FAR1: variants seen among roughly 807,000 people sequenced by gnomAD.
The protein encoded by FAR1 is male sterility domain-containing protein 2.
Under a neutral mutation model 61.1 loss-of-function variants are expected in FAR1, and 22 were observed. The observed-to-expected ratio is 0.36, with a 90% CI of 0.26 to 0.51. The LOEUF is 0.51. Among genes scored for constraint, FAR1 ranks in the 20% least tolerant of loss-of-function variants. FAR1 has a pLI of 0.95. For missense variants in FAR1, 359 were observed against 626.9 expected (o/e 0.57, Z 4.56); for synonymous variants, 206 against 209.7 (o/e 0.98, Z 0.15).
chr11:13,694,655 T>C (rs1434363609), intron 1 of FAR1, 104 bp from the exon 2 acceptor site: 2 of 997,370 alleles, frequency 2.0e-6, no homozygotes, highest in Admixed American at 5.8e-5. Flanking sequence ...TATTTTGACT[T>C]TTGTCTGCTT....
intron 4 of FAR1, among the ~76,000 whole-genome samples, chr11:13,708,932 T>C (rs1459602998): frequency 1.3e-5 from 2 of 152,066 alleles, no homozygotes; most frequent in East Asian, 3.9e-4. Flanking sequence ...AATGAGGGAG[T>C]ATATACCATG....
At chr11:13,669,971 G>A (rs1342554495) in intron 1 of FAR1, 1 of 152,178 alleles carries the variant, frequency 6.6e-6, no homozygotes, top group African/African-American at 2.4e-5. Context: ...CTGTCATGTT[G>A]GGCATGTGTA....
intron 1 of FAR1, among the ~76,000 whole-genome samples, chr11:13,679,422 G>A (rs1848101749): frequency 6.6e-6 from 1 of 152,068 alleles, no homozygotes; most frequent in Admixed American, 6.5e-5. Flanking sequence ...GCAGCAGACT[G>A]TTTTTTCCCC....
intron 9 of FAR1, 147 bp downstream of exon 9, chr11:13,714,827 T>C (rs1040503433): frequency 4.5e-6 from 3 of 671,694 alleles, no homozygotes; most frequent in Non-Finnish European, 6.6e-6. Flanking sequence ...TTTAAGACTT[T>C]GTCAGAAAAG....
Position 13,724,007 on chromosome 11 carries a change from G to C in FAR1, c.1257+2148G>C, listed in dbSNP as rs967548453. ...CATCTGATTCTGCCATCTATTACTT[G>C]AGCTAGGTCTCACCCATGGCACCTA... On this transcript the variant is annotated intron_variant, in intron 10 of 11. Coordinates refer to ENST00000354817, the MANE Select transcript of FAR1 (RefSeq NM_032228.6). 3.9e-5 allele frequency among the ~76,000 whole-genome samples: 6 copies of C among 152,128 alleles called. No individual in the cohort carries two copies. The South Asian group carries it at 1.2e-3, about 32-fold the overall frequency.
chr11:13,697,422 A>G (rs542581089), intron 2 of FAR1, among the ~76,000 whole-genome samples: 1 of 152,250 alleles, frequency 6.6e-6, no homozygotes, highest in Non-Finnish European at 1.5e-5. Flanking sequence ...AGATTGCGCC[A>G]CTGCACTCCA....
In FAR1 at chr11:13,731,795, G is replaced by T. The variant is rs75182055; in HGVS notation, c.*3021G>T. On this transcript the variant is annotated 3_prime_UTR_variant, in exon 12 of 12. Transcript: ENST00000354817. Reference sequence around the variant, plus strand: ...TCCAGGGTGTCATTGGGTTCCAGCTGCTCTCCTCCACATTGAATGATATCT... The same window carrying T: ...TCCAGGGTGTCATTGGGTTCCAGCTTCTCTCCTCCACATTGAATGATATCT... 1 of 152,210 alleles carries T rather than the reference G, an allele frequency of 6.6e-6. No individual in the cohort carries two copies. Among genetic ancestry groups the T allele is most frequent in the East Asian group, 1.9e-4 (1 of 5,188 alleles). 9.4% of individuals were successfully genotyped at this position (152,210 alleles called of 1,614,324 possible).
chr11:13,705,496 C>T (rs927925727), intron 3 of FAR1, among the ~76,000 whole-genome samples: 1 of 152,176 alleles, frequency 6.6e-6, no homozygotes, highest in East Asian at 1.9e-4. Context: ...TCCTCAGGGA[C>T]ATGTAACAGA....
intron 3 of FAR1, among the ~76,000 whole-genome samples, chr11:13,700,761 A>G (rs1453371528): frequency 6.6e-6 from 1 of 152,128 alleles, no homozygotes; most frequent in Admixed American, 6.5e-5. Context: ...GGAGTAGAAG[A>G]AAACTTAGTC....
intron 1 of FAR1, among the ~76,000 whole-genome samples, chr11:13,681,152 C>A (rs1044877071): frequency 6.6e-6 from 1 of 152,056 alleles, no homozygotes. Context: ...ATGTGAAATT[C>A]TCGTTCAGTA....
At chr11:13,702,180 T>C (rs1232302946) in intron 3 of FAR1, among the ~76,000 whole-genome samples, 1 of 152,140 alleles carries the variant, frequency 6.6e-6, no homozygotes, top group Non-Finnish European at 1.5e-5. Context: ...AAGTATGTTA[T>C]TAGGACTATA....
chr11:13,692,838 G>A (rs12364570), intron 1 of FAR1, among the ~76,000 whole-genome samples: 2 of 152,062 alleles, frequency 1.3e-5, no homozygotes, highest in Non-Finnish European at 2.9e-5. Flanking sequence ...AGAGAATATA[G>A]GAATTTAAGT....
chr11:13,692,879 TAG>T (rs1848265949), intron 1 of FAR1, among the ~76,000 whole-genome samples: 1 of 152,226 alleles, frequency 6.6e-6, no homozygotes, highest in Admixed American at 6.5e-5. Flanking sequence ...GTTTCCTTTG[TAG>T]TTCTATTGCT....
At chr11:13,675,279 A>G (rs577968172) in intron 1 of FAR1, among the ~76,000 whole-genome samples, 1 of 152,318 alleles carries the variant, frequency 6.6e-6, no homozygotes, top group East Asian at 1.9e-4. Context: ...ACACTGGATC[A>G]TGTGCCAAAA....
At chr11:13,699,376 A>G (rs539689491) in intron 2 of FAR1, among the ~76,000 whole-genome samples, 1 of 152,362 alleles carries the variant, frequency 6.6e-6, no homozygotes, top group South Asian at 2.1e-4. Context: ...AAACATTAAT[A>G]TTCAAGTCAT....
chr11:13,728,837 A>G lies in FAR1; in HGVS notation c.*63A>G. 6.8e-7 allele frequency: 1 copy of G among 1,460,350 alleles called. No individual in the cohort carries two copies. Among genetic ancestry groups the G allele is most frequent in the African/African-American group, 1.4e-5 (1 of 71,334 alleles). 90.5% of individuals were successfully genotyped at this position (1,460,350 alleles called of 1,614,324 possible). ...GTGATCTAAATGTACAAAATGTAAA[A>G]TGTATAAGTCATCTCACTTTTTGTC... On this transcript the variant is annotated 3_prime_UTR_variant, in exon 12 of 12. Transcript: ENST00000354817.
At chr11:13,706,691 A>C (rs183181127) in intron 3 of FAR1, among the ~76,000 whole-genome samples, 1 of 152,144 alleles carries the variant, frequency 6.6e-6, no homozygotes, top group South Asian at 2.1e-4. Context: ...ACTATAGTCT[A>C]TGTTGTACAA....
At chr11:13,716,383 C>A (rs911410656) in intron 9 of FAR1, among the ~76,000 whole-genome samples, 1 of 152,140 alleles carries the variant, frequency 6.6e-6, no homozygotes, top group Non-Finnish European at 1.5e-5. Context: ...TTTATTATTT[C>A]TTTCAATTAT....
intron 1 of FAR1, among the ~76,000 whole-genome samples, chr11:13,694,213 G>T (rs1385726308): frequency 6.6e-6 from 1 of 152,140 alleles, no homozygotes. Flanking sequence ...TAAAAGGGGA[G>T]ATTTAAGCAC....
Sources: gnomAD v4.1 joint callset for allele counts (sites outside exome capture counted in the v4.1 genomes callset) on GRCh38, gnomAD v4.1.1 for gene constraint, MANE v1.5 for transcripts, NCBI Gene and HGNC (gene_info 2026-07-23, HGNC 2026-07-21) for gene names.